The following WARS2 variants were observed in gnomAD, a reference collection of about 807,000 sequenced individuals.
WARS2 encodes tryptophan--tRNA ligase, mitochondrial.
Under a neutral mutation model 36.5 loss-of-function variants are expected in WARS2, and 28 were observed. The ratio of observed to expected loss-of-function variants is 0.77; its 90% CI spans 0.57 to 1.05. The LOEUF is 1.05. Among genes scored for constraint, WARS2 ranks in the 50% least tolerant of loss-of-function variants. The pLI is 0.00. For synonymous variants in WARS2, 174 were observed against 178.4 expected, an observed-to-expected ratio of 0.98 and a Z score of 0.20; for missense variants, 435 against 456.8, an observed-to-expected ratio of 0.95 and a Z score of 0.44.
chr1:119,081,912 G>C (rs1652221630), intron 1 of WARS2, among the ~76,000 whole-genome samples: 1 of 152,164 alleles, frequency 6.6e-6, no homozygotes, highest in South Asian at 2.1e-4. Flanking sequence ...CCTCCGGAAA[G>C]CACTGGAGAG....
At chr1:119,069,852 T>C (rs1008013378) in intron 2 of WARS2, among the ~76,000 whole-genome samples, 2 of 152,080 alleles carry the variant, frequency 1.3e-5, no homozygotes, top group African/African-American at 4.8e-5. Flanking sequence ...TGAGAAATAA[T>C]GAGGGCCTTG....
At chr1:119,049,180 A>G (rs1557941471) in intron 2 of WARS2, among the ~76,000 whole-genome samples, 1 of 152,194 alleles carries the variant, frequency 6.6e-6, no homozygotes, top group Non-Finnish European at 1.5e-5. Context: ...GGAACACATG[A>G]AACACGGGCA....
intron 2 of WARS2, 62 bp downstream of exon 2, chr1:119,076,288 A>C (rs587640457): frequency 6.3e-7 from 1 of 1,582,418 alleles, no homozygotes; most frequent in Admixed American, 1.8e-5. Flanking sequence ...GAACCATTCA[A>C]CATTTTTTCC....
chr1:119,131,335 A>C (rs1448782736), intron 1 of WARS2, among the ~76,000 whole-genome samples: 1 of 152,212 alleles, frequency 6.6e-6, no homozygotes, highest in African/African-American at 2.4e-5. Context: ...GGCATTAATA[A>C]GGAAGTAAAA....
chr1:119,095,442 G>A (rs987273901), intron 1 of WARS2, among the ~76,000 whole-genome samples: 24 of 150,492 alleles, frequency 1.6e-4, no homozygotes, highest in African/African-American at 5.6e-4. Flanking sequence ...CTTTTTTTTT[G>A]AGATGGAGTC....
intron 1 of WARS2, among the ~76,000 whole-genome samples, chr1:119,110,478 T>C (rs1420046775): frequency 6.6e-6 from 1 of 152,118 alleles, no homozygotes; most frequent in East Asian, 1.9e-4. Context: ...GCGTGGATTC[T>C]GAAGAGAAGT....
chr1:119,088,443 C>T (rs904023280), intron 1 of WARS2, among the ~76,000 whole-genome samples: 18 of 87,572 alleles, frequency 2.1e-4, no homozygotes, highest in Non-Finnish European at 3.6e-4. Context: ...GAAACACACA[C>T]ACACACACAC....
At chr1:119,115,292 T>G (rs1218841633) in intron 1 of WARS2, among the ~76,000 whole-genome samples, 1 of 152,144 alleles carries the variant, frequency 6.6e-6, no homozygotes, top group African/African-American at 2.4e-5. Context: ...AATTAAAATA[T>G]GGTCTTTTTT....
Position 119,076,531 on chromosome 1 carries a change from A to G in WARS2, c.167T>C (p.Ile56Thr). 2 of 1,614,178 alleles carry G rather than the reference A, an allele frequency of 1.2e-6. No homozygotes were observed. The highest frequency in any genetic ancestry group is 1.7e-6 in the Non-Finnish European group (2 of 1,180,016). The change falls in exon 2 of 6, where the codon ATT becomes ACT. Residue 56 changes from isoleucine (I) to threonine (T), a missense_variant. Coordinates refer to ENST00000235521, the MANE Select transcript of WARS2 (RefSeq NM_015836.4). ...ILHLGNYLGA[I>T]ESWVRLQDEY... ...ATCCTGTAACCTCACCCAGCTCTCAATGGCTCCCAGGTAATTGCCCAGGTG... is the reference window on the plus strand; with the variant it reads ...ATCCTGTAACCTCACCCAGCTCTCAGTGGCTCCCAGGTAATTGCCCAGGTG...
intron 1 of WARS2, chr1:119,126,647 C>CG (rs1655679392): frequency 9.8e-6 from 7 of 712,344 alleles, no homozygotes; most frequent in Admixed American, 7.1e-5. Context: ...CACGAAGCTC[C>CG]ATAAGTTTTC....
At chr1:119,066,667 C>T (rs1650900188) in intron 2 of WARS2, among the ~76,000 whole-genome samples, 1 of 152,010 alleles carries the variant, frequency 6.6e-6, no homozygotes, top group Non-Finnish European at 1.5e-5. Flanking sequence ...GAAATAAATG[C>T]TTAATCTTAC....
At chr1:119,128,212 T>C (rs1655816528) in intron 1 of WARS2, among the ~76,000 whole-genome samples, 1 of 152,068 alleles carries the variant, frequency 6.6e-6, no homozygotes, top group Admixed American at 6.6e-5. Flanking sequence ...GAAGCTGGGA[T>C]TATAGGCCCC....
At chr1:119,095,517 G>A (rs1379209063) in intron 1 of WARS2, among the ~76,000 whole-genome samples, 1 of 151,980 alleles carries the variant, frequency 6.6e-6, no homozygotes, top group Non-Finnish European at 1.5e-5. Flanking sequence ...CACACTGCCT[G>A]CCACCCCTGG....
At chr1:119,043,808 A>G (rs1382744253) in intron 3 of WARS2, among the ~76,000 whole-genome samples, 1 of 152,254 alleles carries the variant, frequency 6.6e-6, no homozygotes, top group African/African-American at 2.4e-5. Context: ...GAGCATTAAT[A>G]TTTATTGAGT....
Position 119,126,563 on chromosome 1 carries a change from T to C in WARS2, c.90+13992A>G, listed in dbSNP as rs115080573. On this transcript the variant is annotated intron_variant, in intron 1 of 5. Coordinates refer to ENST00000235521, the MANE Select transcript of WARS2 (RefSeq NM_015836.4). ...TTCAGACAGATTCTTGGACTAGTGG[T>C]TCATATCCATCAGTTCGTTCAACTT... 1.5e-3 allele frequency: 912 copies of C among 624,632 alleles called. 8 individuals carry two copies. Among genetic ancestry groups the C allele is most frequent in the African/African-American group, 0.015 (794 of 54,504 alleles). 38.7% of individuals were successfully genotyped at this position (624,632 alleles called of 1,614,324 possible). A position where few individuals can be genotyped will look rare whatever the true frequency, so the allele number is the denominator to read the frequency against.
At chr1:119,121,094 G>C (rs908974149) in intron 1 of WARS2, among the ~76,000 whole-genome samples, 3 of 152,088 alleles carry the variant, frequency 2.0e-5, no homozygotes, top group Admixed American at 6.6e-5. Flanking sequence ...TGGTAACGAG[G>C]AAGTCAAACT....
intron 2 of WARS2, among the ~76,000 whole-genome samples, chr1:119,074,048 T>C (rs867327168): frequency 6.6e-6 from 1 of 152,188 alleles, no homozygotes; most frequent in Non-Finnish European, 1.5e-5. Flanking sequence ...GAATACAATT[T>C]TTAGAAATAG....
intron 2 of WARS2, among the ~76,000 whole-genome samples, chr1:119,050,279 C>T (rs1649231912): frequency 6.6e-6 from 1 of 152,176 alleles, no homozygotes; most frequent in Non-Finnish European, 1.5e-5. Context: ...CTTGTCTTTG[C>T]TCTAATATCA....
intron 2 of WARS2, among the ~76,000 whole-genome samples, chr1:119,045,956 C>T (rs936048867): frequency 6.6e-6 from 1 of 152,090 alleles, no homozygotes; most frequent in Non-Finnish European, 1.5e-5. Context: ...TGTCCTGAGG[C>T]ATCTGTTCTA....
Sources: gnomAD v4.1 joint callset for allele counts (sites outside exome capture counted in the v4.1 genomes callset) on GRCh38, gnomAD v4.1.1 for gene constraint, MANE v1.5 for transcripts, NCBI Gene and HGNC (gene_info 2026-07-23, HGNC 2026-07-21) for gene names.